ARHGEF33: variants seen among roughly 807,000 people sequenced by gnomAD.
ARHGEF33 encodes the protein DH and coiled-coil domain-containing protein ENSP00000381780.
In ARHGEF33, 72 loss-of-function variants were observed where a neutral mutation model predicts 101.9. The ratio of observed to expected loss-of-function variants is 0.71; its 90% confidence interval spans 0.58 to 0.86. The LOEUF is 0.86. Among genes scored for constraint, ARHGEF33 ranks in the 40% least tolerant of loss-of-function variants. ARHGEF33 has a pLI of 0.00. For missense variants in ARHGEF33, 1,169 were observed against 1,111.3 expected (o/e 1.05, Z -0.74); for synonymous variants, 499 against 442.5 (o/e 1.13, Z -1.60).
At chr2:38,909,530 G>A (rs1666464551) in intron 2 of ARHGEF33, among the ~76,000 whole-genome samples, 1 of 149,150 alleles carries the variant, frequency 6.7e-6, no homozygotes, top group African/African-American at 2.5e-5. Flanking sequence ...GTAGAGACAG[G>A]GTTTTGCCAT....
Position 38,934,460 on chromosome 2 carries a change from C to G in ARHGEF33, c.506-1315C>G, listed in dbSNP as rs1195979848. Reference sequence around the variant, plus strand: ...CCTCCCCCTTCTATCCCTCCCTCCCCCTTTTCTCTCTTCCTCCCGCTTCTC... The same window carrying G: ...CCTCCCCCTTCTATCCCTCCCTCCCGCTTTTCTCTCTTCCTCCCGCTTCTC... On this transcript the variant is annotated intron_variant, in intron 7 of 17. Transcript: ENST00000409978. 8.9e-5 allele frequency among the ~76,000 whole-genome samples: 9 copies of G among 101,118 alleles called. 1 individual carries two copies. Among genetic ancestry groups the G allele is most frequent in the African/African-American group, 3.6e-4 (9 of 25,302 alleles). 66.3% of individuals were successfully genotyped at this position (101,118 alleles called of 152,430 possible). A position where few individuals can be genotyped will look rare whatever the true frequency, so the allele number is the denominator to read the frequency against.
chr2:38,902,809 A>G (rs1446932356), intron 2 of ARHGEF33, among the ~76,000 whole-genome samples: 1 of 152,200 alleles, frequency 6.6e-6, no homozygotes, highest in Admixed American at 6.5e-5. Context: ...GCAAAGAAAT[A>G]TATAACATTA....
Position 38,939,188 on chromosome 2 carries a change from A to G in ARHGEF33, c.790+1629A>G, listed in dbSNP as rs959145971. ...GGGTTTTCACTGTGTTGGCCAGGCT[A>G]GTCTTCAACTCCTGATATCAAGTGA... On this transcript the variant is annotated intron_variant, in intron 9 of 17. Transcript: ENST00000409978. Among the ~76,000 whole-genome samples, 23 of 152,150 alleles carry G rather than the reference A, an allele frequency of 1.5e-4. 1 individual carries two copies. The highest frequency in any genetic ancestry group is 5.6e-4 in the African/African-American group (23 of 41,428).
intron 1 of ARHGEF33, among the ~76,000 whole-genome samples, chr2:38,891,725 A>G (rs1303397172): frequency 7.3e-6 from 1 of 136,792 alleles, no homozygotes; most frequent in African/African-American, 2.8e-5. Flanking sequence ...AAGATTCCCC[A>G]CCCGCCCCCC....
intron 1 of ARHGEF33, among the ~76,000 whole-genome samples, chr2:38,893,907 G>A (rs1051815959): frequency 1.1e-4 from 17 of 152,170 alleles, no homozygotes; most frequent in Admixed American, 9.8e-4. Context: ...AAGGGAGATA[G>A]GGCACAAACA....
chr2:38,889,875 G>A lies in ARHGEF33; in HGVS notation c.-270G>A, dbSNP rs568076664. ...AGCCTGGTTAGCATACTACGGTCTC[G>A]TTTCAGGGGAAGTCAAGCCTCTCTA... On this transcript the variant is annotated 5_prime_UTR_variant, in exon 1 of 18. Transcript: ENST00000409978. 3.0e-4 allele frequency: 142 copies of A among 470,680 alleles called. No individual in the cohort carries two copies. The highest frequency in any genetic ancestry group is 2.5e-3 in the African/African-American group (125 of 50,154). The allele number at this position is 470,680 out of a possible 1,614,324, so 29.2% of individuals were successfully genotyped here. A position where few individuals can be genotyped will look rare whatever the true frequency, so the allele number is the denominator to read the frequency against.
intron 1 of ARHGEF33, among the ~76,000 whole-genome samples, chr2:38,892,671 G>C (rs1384176130): frequency 6.6e-6 from 1 of 152,088 alleles, no homozygotes; most frequent in Non-Finnish European, 1.5e-5. Context: ...TAGTCTCCTG[G>C]TTCAAATAAG....
chr2:38,894,284 A>G (rs1666071953), intron 1 of ARHGEF33, among the ~76,000 whole-genome samples: 2 of 152,078 alleles, frequency 1.3e-5, no homozygotes, highest in East Asian at 1.9e-4. Flanking sequence ...GAGAGCCACA[A>G]TCACACCACT....
In ARHGEF33 at chr2:38,910,643, T is replaced by C. The variant is rs181965438; in HGVS notation, c.-85-8720T>C. The stretch of plus-strand genomic sequence containing the variant: ...ATTGCATACTGAATTTTACAAATAA[T>C]ATTTCATATTCTCTGAATTGGTGGT... On this transcript the variant is annotated intron_variant, in intron 2 of 17. Transcript: ENST00000409978. Among the ~76,000 whole-genome samples, 5 of 152,354 alleles carry C rather than the reference T, an allele frequency of 3.3e-5. No homozygotes were observed. The East Asian group carries it at 9.6e-4, about 29-fold the overall frequency.
rs768675278 is a variant in ARHGEF33 at position 38,937,630 on chromosome 2, C to T, written c.790+71C>T. On this transcript the variant is annotated intron_variant, in intron 9 of 17. Coordinates refer to ENST00000409978, the MANE Select transcript of ARHGEF33 (RefSeq NM_001145451.5). Reference sequence around the variant, plus strand: ...TGTACCAGAGCTTTGAACTCAAAGGCGAGAATCCTTGCCGTTTAGATTCAG... The same window carrying T: ...TGTACCAGAGCTTTGAACTCAAAGGTGAGAATCCTTGCCGTTTAGATTCAG... The T allele has an allele frequency of 1.3e-4, 122 of 929,834 alleles. 1 individual carries two copies. Among genetic ancestry groups the T allele is most frequent in the Middle Eastern group, 3.3e-4 (1 of 3,030 alleles). 57.6% of individuals were successfully genotyped at this position (929,834 alleles called of 1,614,324 possible).
rs1486251511 is a variant in ARHGEF33 at position 38,960,469 on chromosome 2, G to A, written c.2164G>A (p.Ala722Thr). 10 of 1,487,248 alleles carry A rather than the reference G, an allele frequency of 6.7e-6. No individual in the cohort carries two copies. The highest frequency in any genetic ancestry group is 1.3e-5 in the South Asian group (1 of 78,300). 92.1% of individuals were successfully genotyped at this position (1,487,248 alleles called of 1,614,324 possible). A position where few individuals can be genotyped will look rare whatever the true frequency, so the allele number is the denominator to read the frequency against. ...FPRAPPADGV[A>T]PRLYSTRSSS... ...GCGTGCGCCGCCAGCCGACGGCGTG[G>A]CCCCACGCCTCTACAGCACGCGCAG... The change falls in exon 16 of 18, where the codon GCC becomes ACC. Residue 722 changes from alanine to threonine, a missense_variant. Transcript: ENST00000409978.
intron 17 of ARHGEF33, among the ~76,000 whole-genome samples, chr2:38,966,613 G>C (rs183081473): frequency 6.6e-6 from 1 of 152,134 alleles, no homozygotes; most frequent in East Asian, 1.9e-4. Flanking sequence ...ATGTTTATTA[G>C]GACTTCTGTT....
At chr2:38,970,636 C>T (rs143651942) in intron 17 of ARHGEF33, among the ~76,000 whole-genome samples, 25 of 152,290 alleles carry the variant, frequency 1.6e-4, no homozygotes, top group Non-Finnish European at 3.2e-4. Context: ...AGGTTCTGTC[C>T]AGCACAAAAG....
At chr2:38,952,839 G>C (rs1558440844) in intron 11 of ARHGEF33, among the ~76,000 whole-genome samples, 1 of 151,978 alleles carries the variant, frequency 6.6e-6, no homozygotes, top group East Asian at 1.9e-4. Flanking sequence ...GCTGAGATTA[G>C]CGGCACCTGC....
chr2:38,948,574 G>A (rs1667510172), intron 10 of ARHGEF33, among the ~76,000 whole-genome samples: 1 of 151,814 alleles, frequency 6.6e-6, no homozygotes, highest in Admixed American at 6.6e-5. Context: ...GAGGGAGAGA[G>A]GAAGGGAGGA....
intron 2 of ARHGEF33, among the ~76,000 whole-genome samples, chr2:38,918,950 G>A (rs928736686): frequency 1.3e-5 from 2 of 152,074 alleles, no homozygotes; most frequent in African/African-American, 4.8e-5. Context: ...GGAGGCTGAG[G>A]TGGGAGGACC....
intron 10 of ARHGEF33, among the ~76,000 whole-genome samples, chr2:38,944,804 C>T (rs941274726): frequency 1.3e-5 from 2 of 151,858 alleles, no homozygotes; most frequent in African/African-American, 4.8e-5. Context: ...AGAAATGACA[C>T]AGGGCTGATA....
Position 38,922,754 on chromosome 2 carries a change from C to T in ARHGEF33, c.75+1331C>T, listed in dbSNP as rs79962475. ...ACAAGGTAGGCTGTTGAAAGGATTG[C>T]GATAGAGGCATTGATACAATTCTGT... On this transcript the variant is annotated intron_variant, in intron 4 of 17. Transcript: ENST00000409978. Among the ~76,000 whole-genome samples, 202 of 152,174 alleles carry T rather than the reference C, an allele frequency of 1.3e-3. 5 individuals are homozygous for T. The East Asian group carries it at 0.031, about 24-fold the overall frequency.
At chr2:38,899,663 T>C (rs140007068) in intron 2 of ARHGEF33, among the ~76,000 whole-genome samples, 74 of 152,288 alleles carry the variant, frequency 4.9e-4, no homozygotes, top group African/African-American at 1.7e-3. Context: ...CTTTAGTTAA[T>C]ATATTGTATA....
Sources: gnomAD v4.1 joint callset for allele counts (sites outside exome capture counted in the v4.1 genomes callset) on GRCh38, gnomAD v4.1.1 for gene constraint, MANE v1.5 for transcripts, NCBI Gene and HGNC (gene_info 2026-07-23, HGNC 2026-07-21) for gene names.